Variants in MAU2 observed in about 807,000 individuals in gnomAD.
MAU2 encodes MAU2 chromatid cohesion factor homolog.
MAU2 carries 9 observed loss-of-function variants against 89.1 expected under a neutral mutation model. The observed-to-expected ratio is 0.10, with a 90% confidence interval of 0.06 to 0.18. The LOEUF (loss-of-function observed/expected upper bound fraction) is 0.18, where lower values mean the gene tolerates loss of function less well. MAU2 is among the 10% of genes least tolerant of loss of function. The probability of loss-of-function intolerance (pLI) is 1.00; values close to 1 mark genes in which losing one functional copy is unlikely to be tolerated. For missense variants in MAU2, 425 were observed against 803.5 expected (o/e 0.53, Z 5.69); for synonymous variants, 357 against 343.4 (o/e 1.04, Z -0.44).
rs1048485760 is a variant in MAU2, at chr19:19,358,185, T to A, written c.*2403T>A. On this transcript the variant is annotated 3_prime_UTR_variant, in exon 19 of 19. Transcript: ENST00000262815. ...AGGAAAAAACAAAAACTCCAAACCC[T>A]TCAGTGGATGAGGACAAGGTCGCAG... 1.3e-5 allele frequency: 2 copies of A among 151,922 alleles called. No homozygotes were observed. Among genetic ancestry groups the A allele is most frequent in the African/African-American group, 4.8e-5 (2 of 41,320 alleles). The allele number at this position is 151,922 out of a possible 1,614,324, so 9.4% of individuals were successfully genotyped here.
In MAU2 at chr19:19,356,378, C is replaced by G. The variant is rs2048178705; in HGVS notation, c.*596C>G. 1 of 295,808 alleles carries G rather than the reference C, an allele frequency of 3.4e-6. No individual in the cohort carries two copies. The highest frequency in any genetic ancestry group is 4.7e-5 in the Admixed American group (1 of 21,384). The allele number at this position is 295,808 out of a possible 1,614,324, so 18.3% of individuals were successfully genotyped here. On this transcript the variant is annotated 3_prime_UTR_variant, in exon 19 of 19. Transcript: ENST00000262815. ...CCTCTGGTCAGGAACCCTCAGGGAC[C>G]CAGGAACTCAGCTTCCAAACATCTG...
At chr19:19,354,704 G>C in intron 17 of MAU2, 1 of 524,464 alleles carries the variant, frequency 1.9e-6, no homozygotes. Flanking sequence ...GGTAGACTTG[G>C]GCTGTTAGCC....
chr19:19,349,723 C>G (rs531055608), intron 16 of MAU2, among the ~76,000 whole-genome samples: 7 of 152,304 alleles, frequency 4.6e-5, no homozygotes, highest in African/African-American at 1.4e-4. Context: ...ACCAAAGGAG[C>G]TGCCCTGAGC....
intron 13 of MAU2, 95 bp downstream of exon 13, chr19:19,347,461 G>C (rs2061702704): frequency 1.1e-6 from 1 of 942,494 alleles, no homozygotes; most frequent in Non-Finnish European, 1.7e-6. Context: ...CATCTCAGCA[G>C]ACCCCAGGGT....
chr19:19,334,889 T>C (rs2061584159), intron 1 of MAU2, among the ~76,000 whole-genome samples: 1 of 152,244 alleles, frequency 6.6e-6, no homozygotes, highest in Admixed American at 6.5e-5. Context: ...GGTCTCCTGC[T>C]GTGCTCCGGA....
Position 19,342,524 on chromosome 19 carries a change from G to T in MAU2, c.736-11G>T, listed in dbSNP as rs1290232059. ...GGCTCAGGTGGATGCTCGGGTGTGGGTGCTGCACAGGTGAAGAGCGTGAAG... is the reference window on the plus strand; with the variant it reads ...GGCTCAGGTGGATGCTCGGGTGTGGTTGCTGCACAGGTGAAGAGCGTGAAG... On this transcript the variant is annotated splice_polypyrimidine_tract_variant and intron_variant, in intron 7 of 18. Coordinates refer to ENST00000262815, the MANE Select transcript of MAU2 (RefSeq NM_015329.4). The T allele has an allele frequency of 3.2e-6, 5 of 1,563,772 alleles. No homozygotes were observed. Among genetic ancestry groups the T allele is most frequent in the Non-Finnish European group, 4.3e-6 (5 of 1,153,572 alleles).
At chr19:19,344,263 T>C (rs2061675889) in intron 10 of MAU2, 1 of 309,594 alleles carries the variant, frequency 3.2e-6, no homozygotes. Flanking sequence ...AATATAAAAA[T>C]TAGCCAGGTG....
At chr19:19,336,073 A>G (rs1278772805) in intron 2 of MAU2, 49 bp from the exon 3 acceptor site, 1 of 1,438,604 alleles carries the variant, frequency 7.0e-7, no homozygotes. Flanking sequence ...GGCCCTTTCA[A>G]ACCGACCTTT....
Position 19,345,368 on chromosome 19 carries a change from G to A in MAU2, c.1220G>A (p.Arg407Gln), listed in dbSNP as rs766262434. Residue 407 changes from arginine (R) to glutamine (Q), a missense_variant and splice_region_variant, in exon 12 of 19, where the codon CGG becomes CAG. Physicochemically the swap from Arg to Gln is conservative, Grantham distance 43 (BLOSUM62 1). This residue lies in a region of MAU2 where 66 missense variants were observed against 129.1 expected (regional missense o/e 0.51). Transcript: ENST00000262815. This position sits in a 1 kb window ranked among gnomAD's most constrained non-coding sequence, Gnocchi z 4.9. ...GAAGCCCAGTTCACCACGGCCCTGC[G>A]GGTAAGGTGCCGGCCCTCCTTGCTG... is the stretch of plus-strand genomic sequence containing the variant. ...NAEAQFTTAL[R>Q]LTNHQELWAF... 1.1e-5 allele frequency: 17 copies of A among 1,613,564 alleles called. No individual in the cohort carries two copies. Among genetic ancestry groups the A allele is most frequent in the East Asian group, 4.5e-5 (2 of 44,888 alleles).
rs555708519 is a variant in MAU2, at chr19:19,358,069, GACTT to G, written c.*2288_*2291del. The G allele has an allele frequency of 7.0e-6, 1 of 142,524 alleles. No individual in the cohort carries two copies. The highest frequency in any genetic ancestry group is 2.6e-5 in the African/African-American group (1 of 38,310). The allele number at this position is 142,524 out of a possible 1,614,324, so 8.8% of individuals were successfully genotyped here. ...TGCACTCCAGCCTGGGTGACGGTGA[GACTT>G]TGTCTCAAAAAAAAAAAAAAAAACA... On this transcript the variant is annotated 3_prime_UTR_variant, in exon 19 of 19. Transcript: ENST00000262815.
rs182870917 is a variant in MAU2 at position 19,341,305 on chromosome 19, C to T, written c.633C>T (p.Cys211=). The T allele has an allele frequency of 2.1e-5, 34 of 1,613,278 alleles. No homozygotes were observed. Among genetic ancestry groups the T allele is most frequent in the African/African-American group, 1.7e-4 (13 of 75,054 alleles). Residue 211 remains cysteine (C), a synonymous_variant, in exon 7 of 19, where the codon TGC becomes TGT. Transcript: ENST00000262815. ...AGGTGCACCCGCTGCTGACCCTCTGCGGGCAGATCGTGGAGAACTGGCAGG... is the reference window on the plus strand; with the variant it reads ...AGGTGCACCCGCTGCTGACCCTCTGTGGGCAGATCGTGGAGAACTGGCAGG... ...LQEVHPLLTL[C]GQIVENWQGN...
chr19:19,321,997 T>G (rs941400394), intron 1 of MAU2: 1 of 145,294 alleles, frequency 6.9e-6, no homozygotes, highest in Non-Finnish European at 1.5e-5. Context: ...TAGTAAACTT[T>G]CTTTTTTTTT....
intron 15 of MAU2, 29 bp from the exon 16 acceptor site, chr19:19,349,296 G>A: frequency 6.2e-7 from 1 of 1,614,030 alleles, no homozygotes; most frequent in Non-Finnish European, 8.5e-7. Context: ...CCGTCCTGCA[G>A]TTATCAGCGT....
At chr19:19,347,243 C>G (rs746937084) in intron 12 of MAU2, 37 bp from the exon 13 acceptor site, 3 of 1,433,308 alleles carry the variant, frequency 2.1e-6, no homozygotes, top group Non-Finnish European at 3.0e-6. Flanking sequence ...TCACAGCACC[C>G]GACCCAGCCC....
chr19:19,348,209 A>AT (rs1555795608), intron 13 of MAU2: 1 of 153,738 alleles, frequency 6.5e-6, no homozygotes, highest in Non-Finnish European at 1.4e-5. Flanking sequence ...CTACAAAAAA[A>AT]TTTTTTAAAA....
chr19:19,339,113 G>C (rs1267637278), intron 5 of MAU2, among the ~76,000 whole-genome samples, 174 bp downstream of exon 5: 1 of 152,172 alleles, frequency 6.6e-6, no homozygotes, highest in Non-Finnish European at 1.5e-5. Context: ...AGGAGTTCAA[G>C]ACCAGCCTGG....
In MAU2 at chr19:19,355,249, A is replaced by C; in HGVS notation, c.1640-15A>C. 6.2e-7 allele frequency: 1 copy of C among 1,613,632 alleles called. No individual in the cohort carries two copies. The highest frequency in any genetic ancestry group is 1.7e-5 in the Admixed American group (1 of 60,014). On this transcript the variant is annotated splice_polypyrimidine_tract_variant and intron_variant, in intron 17 of 18. Transcript: ENST00000262815. ...CAGGGCAAGGCGGGCCCCCATGCTC[A>C]TGTCCCACTCTCAGACCTGAATAAA...
rs545598824 is a variant in MAU2 at position 19,347,287 on chromosome 19, A to G, written c.1229A>G (p.Asn410Ser). Residue 410 changes from asparagine (N) to serine (S), a missense_variant, in exon 13 of 19, where the codon AAC (asparagine) becomes AGC (serine). Around this residue, in one of 11 missense-constraint regions of MAU2, gnomAD observed 66 missense variants for 129.1 expected, o/e 0.51. Transcript: ENST00000262815. ...CCCCGCCTCCCATTCCAGCTCACCA[A>G]CCACCAGGAGCTGTGGGCCTTCATC... is the stretch of plus-strand genomic sequence containing the variant. ...AQFTTALRLT[N>S]HQELWAFIVT... 60 of 1,613,502 alleles carry G rather than the reference A, an allele frequency of 3.7e-5. No individual in the cohort carries two copies. In the Middle Eastern group the frequency reaches 1.3e-3, roughly 36 times the overall value.
chr19:19,325,567 C>T (rs1457752176), intron 1 of MAU2, among the ~76,000 whole-genome samples: 1 of 152,152 alleles, frequency 6.6e-6, no homozygotes. Context: ...GCATACTCCA[C>T]CTCCCGGGTT....
Sources: gnomAD v4.1 joint callset for allele counts (sites outside exome capture counted in the v4.1 genomes callset) on GRCh38, gnomAD v4.1.1 for gene constraint, gnomAD v4.1.1 regional missense constraint, Gnocchi (gnomAD v3.1) non-coding constraint, MANE v1.5 for transcripts, NCBI Gene and HGNC (gene_info 2026-07-23, HGNC 2026-07-21) for gene names.